KIF14: variants seen among roughly 807,000 people sequenced by gnomAD.
The protein encoded by KIF14 is kinesin-like protein KIF14.
In KIF14, 98 loss-of-function variants were observed where a neutral mutation model predicts 176.2. The ratio of observed to expected loss-of-function variants is 0.56; its 90% CI spans 0.47 to 0.66. KIF14 has a LOEUF of 0.66. Among genes scored for constraint, KIF14 ranks in the 30% least tolerant of loss-of-function variants. The probability of loss-of-function intolerance (pLI) is 0.00; values close to 1 mark genes in which losing one functional copy is unlikely to be tolerated. For missense variants in KIF14, 1,751 were observed against 1,920.4 expected, an observed-to-expected ratio of 0.91 and a Z score of 1.65; for synonymous variants, 566 against 632.2, an observed-to-expected ratio of 0.90 and a Z score of 1.57.
At chr1:200,563,442 G>C (rs1283504424) in intron 25 of KIF14, among the ~76,000 whole-genome samples, 1 of 152,018 alleles carries the variant, frequency 6.6e-6, no homozygotes, top group East Asian at 1.9e-4. Context: ...ATGGCTCACT[G>C]TAGCTTCGAA....
At chr1:200,569,160 G>A (rs1189645325) in intron 23 of KIF14, among the ~76,000 whole-genome samples, 1 of 151,914 alleles carries the variant, frequency 6.6e-6, no homozygotes, top group Non-Finnish European at 1.5e-5. Context: ...CCCGACCTCA[G>A]GTGATTCACC....
In KIF14 at chr1:200,553,136, G is replaced by A. The variant is rs1283030448; in HGVS notation, c.*252C>T. On this transcript the variant is annotated 3_prime_UTR_variant, in exon 30 of 30. Coordinates refer to ENST00000367350, the MANE Select transcript of KIF14 (RefSeq NM_014875.3). ...TTTTTGTATTTTTAGTAGAGACGGG[G>A]TTTCGCCATGTTGGCCAGGCCGGTC... The A allele has an allele frequency of 8.7e-6, 2 of 230,508 alleles. No individual in the cohort carries two copies. The highest frequency in any genetic ancestry group is 1.7e-5 in the Non-Finnish European group (2 of 120,200). 14.3% of individuals were successfully genotyped at this position (230,508 alleles called of 1,614,324 possible). A position where few individuals can be genotyped will look rare whatever the true frequency, so the allele number is the denominator to read the frequency against.
chr1:200,608,710 G>C, intron 5 of KIF14, 120 bp downstream of exon 5: 1 of 630,998 alleles, frequency 1.6e-6, no homozygotes, highest in East Asian at 2.8e-5. Flanking sequence ...GTAGATCCAA[G>C]CATTTGCTTT....
chr1:200,570,262 G>A (rs1657703737), intron 22 of KIF14, among the ~76,000 whole-genome samples: 1 of 152,192 alleles, frequency 6.6e-6, no homozygotes, highest in South Asian at 2.1e-4. Flanking sequence ...GTGGTAAAAT[G>A]TGGCAAACAT....
In KIF14 at chr1:200,618,518, A is replaced by G. The variant is rs762812510; in HGVS notation, c.206T>C (p.Ile69Thr). ...GTCTGCTGTTTTTCTACTGGCAGAA[A>G]TAACATAAGTTCTATTTATGTCTCT... ...KVRDINRTYV[I>T]SASRKTADMP... is the part of the protein sequence containing the mutation. The change falls in exon 2 of 30, where the codon ATT becomes ACT. Residue 69 changes from isoleucine (I) to threonine (T), a missense_variant. Ile to Thr is a moderately conservative substitution (Grantham distance 89). Coordinates refer to ENST00000367350, the MANE Select transcript of KIF14 (RefSeq NM_014875.3). 6.2e-7 allele frequency: 1 copy of G among 1,614,126 alleles called. No homozygotes were observed. Among genetic ancestry groups the G allele is most frequent in the Admixed American group, 1.7e-5 (1 of 60,022 alleles).
intron 27 of KIF14, among the ~76,000 whole-genome samples, chr1:200,557,914 A>G (rs1190396926): frequency 6.6e-6 from 1 of 152,164 alleles, no homozygotes; most frequent in Non-Finnish European, 1.5e-5. Flanking sequence ...GCACTGCCCC[A>G]GCCACCTGAC....
intron 22 of KIF14, among the ~76,000 whole-genome samples, chr1:200,572,834 G>A (rs1436392672): frequency 3.3e-5 from 5 of 152,002 alleles, no homozygotes; most frequent in Admixed American, 3.3e-4. Context: ...CTCTAGGTTG[G>A]CTTAAATATC....
intron 27 of KIF14, among the ~76,000 whole-genome samples, chr1:200,555,695 A>C (rs376726984): frequency 6.6e-6 from 1 of 152,116 alleles, no homozygotes; most frequent in Non-Finnish European, 1.5e-5. Context: ...TAAGAGTTCA[A>C]CTTTATAATC....
intron 27 of KIF14, among the ~76,000 whole-genome samples, chr1:200,557,054 A>G (rs1656870317): frequency 6.6e-6 from 1 of 152,206 alleles, no homozygotes; most frequent in Admixed American, 6.5e-5. Context: ...GCCAGGCTGG[A>G]GTGCAGTGGC....
At chr1:200,616,932 G>A (rs1211098948) in intron 2 of KIF14, among the ~76,000 whole-genome samples, 2 of 152,140 alleles carry the variant, frequency 1.3e-5, no homozygotes, top group Admixed American at 6.5e-5. Flanking sequence ...TCTGGAAAGG[G>A]TTTTGAAAGG....
At position 200,552,955 on chromosome 1, in the gene KIF14, ATTTATTTT is replaced by A. The variant is rs1656619232; in HGVS notation, c.*425_*432del. Reference sequence around the variant, plus strand: ...TATTTATTTATTTATTTATTTATTTATTTATTTTGACTAAGTCTCGTTCTGTTGCTCAG... The same window carrying A: ...TATTTATTTATTTATTTATTTATTTAGACTAAGTCTCGTTCTGTTGCTCAG... On this transcript the variant is annotated 3_prime_UTR_variant, in exon 30 of 30. Coordinates refer to ENST00000367350, the MANE Select transcript of KIF14 (RefSeq NM_014875.3). 3.0e-5 allele frequency: 3 copies of A among 100,622 alleles called. No homozygotes were observed. The highest frequency in any genetic ancestry group is 1.2e-4 in the African/African-American group (3 of 24,640). The allele number at this position is 100,622 out of a possible 1,614,324, so 6.2% of individuals were successfully genotyped here.
At chr1:200,560,656 G>T in intron 26 of KIF14, 66 bp downstream of exon 26, 1 of 1,498,576 alleles carries the variant, frequency 6.7e-7, no homozygotes, top group Non-Finnish European at 9.3e-7. Context: ...GTTTAGTACT[G>T]TACTATTATC....
In KIF14 at chr1:200,581,071, G is replaced by C. The variant is rs990702820; in HGVS notation, c.3335+130C>G. 3.3e-5 allele frequency: 14 copies of C among 421,596 alleles called. No homozygotes were observed. The Admixed American group carries it at 4.2e-4, about 13-fold the overall frequency. 26.1% of individuals were successfully genotyped at this position (421,596 alleles called of 1,614,324 possible). A position where few individuals can be genotyped will look rare whatever the true frequency, so the allele number is the denominator to read the frequency against. ...GGAGGTTGCAGTGAGCCCAGATTGC[G>C]CCACTGCACTCCAGCCTGGGCAACA... On this transcript the variant is annotated intron_variant, in intron 20 of 29. Transcript: ENST00000367350.
In KIF14 at chr1:200,605,361, T is replaced by G; in HGVS notation, c.1668A>C (p.Arg556Ser). The G allele has an allele frequency of 6.2e-7, 1 of 1,613,640 alleles. No homozygotes were observed. ...QSWLELGNKQ[R>S]ATAATGMNDK... ...CATTCATACCAGTAGCAGCAGTAGC[T>G]CTTTGTTTATTTCCCAATTCTAGCC... is the stretch of plus-strand genomic sequence containing the variant. The change falls in exon 8 of 30, where the codon AGA becomes AGC. Residue 556 changes from arginine to serine, a missense_variant. Transcript: ENST00000367350.
At chr1:200,556,276 T>C (rs892328110) in intron 27 of KIF14, among the ~76,000 whole-genome samples, 1 of 152,172 alleles carries the variant, frequency 6.6e-6, no homozygotes, top group African/African-American at 2.4e-5. Context: ...AGAGCTTCCC[T>C]AGCCCTAATT....
chr1:200,569,796 GAATCAGA>G, intron 23 of KIF14, 108 bp downstream of exon 23: 1 of 536,670 alleles, frequency 1.9e-6, no homozygotes, highest in Admixed American at 3.3e-5. Flanking sequence ...TTTTACAGAG[GAATCAGA>G]AGCTTCCAGG....
At chr1:200,556,776 A>G (rs1220376247) in intron 27 of KIF14, among the ~76,000 whole-genome samples, 2 of 152,168 alleles carry the variant, frequency 1.3e-5, no homozygotes, top group Non-Finnish European at 2.9e-5. Flanking sequence ...TCACTTTGCA[A>G]ATATGGTGAA....
intron 25 of KIF14, among the ~76,000 whole-genome samples, chr1:200,561,241 A>AAAAAG (rs1553253849): frequency 6.8e-6 from 1 of 146,410 alleles, no homozygotes; most frequent in Non-Finnish European, 1.5e-5. Context: ...AAAAAAAAAA[A>AAAAAG]AAAGAAAAAG....
chr1:200,564,080 G>A (rs989327647), intron 25 of KIF14, among the ~76,000 whole-genome samples: 14 of 151,870 alleles, frequency 9.2e-5, no homozygotes, highest in Non-Finnish European at 1.5e-4. Context: ...TGGCCAACAT[G>A]GTGAAACCCC....
Sources: gnomAD v4.1 joint callset for allele counts (sites outside exome capture counted in the v4.1 genomes callset) on GRCh38, gnomAD v4.1.1 for gene constraint, MANE v1.5 for transcripts, NCBI Gene and HGNC (gene_info 2026-07-23, HGNC 2026-07-21) for gene names.